Variants in FAM118B observed in about 807,000 individuals in gnomAD.
FAM118B encodes the protein protein FAM118B.
In FAM118B, 24 loss-of-function variants were observed where a neutral mutation model predicts 38.5. The ratio of observed to expected loss-of-function variants is 0.62; its 90% confidence interval spans 0.45 to 0.88. The LOEUF (loss-of-function observed/expected upper bound fraction) is 0.88, where lower values mean the gene tolerates loss of function less well. FAM118B is among the 40% of genes least tolerant of loss of function. FAM118B has a pLI of 0.00. For missense variants in FAM118B, 334 were observed against 420.0 expected (o/e 0.80, Z 1.79); for synonymous variants, 138 against 156.3 (o/e 0.88, Z 0.87).
At position 126,256,242 on chromosome 11, in the gene FAM118B, G is replaced by C. The variant is rs977138182; in HGVS notation, c.697-325G>C. On this transcript the variant is annotated intron_variant, in intron 6 of 8. Transcript: ENST00000533050. This position sits in a 1 kb window ranked among gnomAD's most constrained non-coding sequence, Gnocchi z 6.6. ...GGTCACACCACTACACTCTAGCCCAGGTGAAAGAGTGAGACTCCGTCTCAA... is the reference window on the plus strand; with the variant it reads ...GGTCACACCACTACACTCTAGCCCACGTGAAAGAGTGAGACTCCGTCTCAA... Among the ~76,000 whole-genome samples the C allele has an allele frequency of 3.9e-5, 6 of 152,184 alleles. No individual in the cohort carries two copies. Among genetic ancestry groups the C allele is most frequent in the Non-Finnish European group, 7.3e-5 (5 of 68,030 alleles).
intron 1 of FAM118B, among the ~76,000 whole-genome samples, chr11:126,217,473 G>C (rs1219106588): frequency 6.6e-6 from 1 of 152,230 alleles, no homozygotes; most frequent in Non-Finnish European, 1.5e-5. Context: ...CTATTACAGT[G>C]TGTTCCTCCT....
intron 4 of FAM118B, among the ~76,000 whole-genome samples, chr11:126,248,907 A>G (rs1431698772): frequency 6.6e-6 from 1 of 152,196 alleles, no homozygotes; most frequent in Admixed American, 6.5e-5. Context: ...ATCACATTAC[A>G]TAGTTACTTT....
rs1168496277 is a variant in FAM118B at position 126,255,148 on chromosome 11, A to C, written c.696+715A>C. Among the ~76,000 whole-genome samples, 3 of 152,256 alleles carry C rather than the reference A, an allele frequency of 2.0e-5. No individual in the cohort carries two copies. Among genetic ancestry groups the C allele is most frequent in the African/African-American group, 7.2e-5 (3 of 41,468 alleles). On this transcript the variant is annotated intron_variant, in intron 6 of 8. Transcript: ENST00000533050. This position sits in a 1 kb window ranked among gnomAD's most constrained non-coding sequence, Gnocchi z 4.6. ...ACTTTGTATAAATGGCAATGGGCTT[A>C]TATTGAATTAACCACATTTATTCAC...
chr11:126,254,378 G>A lies in FAM118B; in HGVS notation c.641G>A (p.Gly214Asp). Residue 214 changes from glycine (G) to aspartate (D), a missense_variant, in exon 6 of 9, where the codon GGC becomes GAC. This residue lies in a region of FAM118B where 240 missense variants were observed against 295.9 expected (regional missense o/e 0.81). Transcript: ENST00000533050. ...HIHGVYTNPS[G>D]IVLHPAGYQN... ...CACGGAGTCTACACCAACCCTAGTG[G>A]CATTGTCCTTCATCCGGCTGGATAT... is the stretch of plus-strand genomic sequence containing the variant. The A allele has an allele frequency of 6.2e-7, 1 of 1,614,212 alleles. No homozygotes were observed. The highest frequency in any genetic ancestry group is 8.5e-7 in the Non-Finnish European group (1 of 1,180,038).
rs1472612372 is a variant in FAM118B, at chr11:126,250,783, C to T, written c.567+50C>T. ...TCTTCAGGCTAGTGGATTTTATCTTCCTCAGAAAAGCTCTTTTCTAGTTGG... is the reference window on the plus strand; with the variant it reads ...TCTTCAGGCTAGTGGATTTTATCTTTCTCAGAAAAGCTCTTTTCTAGTTGG... On this transcript the variant is annotated intron_variant, in intron 5 of 8. Coordinates refer to ENST00000533050, the MANE Select transcript of FAM118B (RefSeq NM_024556.4). The surrounding 1 kb of genome is among the most constrained non-coding windows in gnomAD (Gnocchi z 5.1). 1 of 1,406,958 alleles carries T rather than the reference C, an allele frequency of 7.1e-7. No homozygotes were observed. The highest frequency in any genetic ancestry group is 9.8e-7 in the Non-Finnish European group (1 of 1,018,782). The allele number at this position is 1,406,958 out of a possible 1,614,324, so 87.2% of individuals were successfully genotyped here.
chr11:126,234,878 C>T lies in FAM118B; in HGVS notation c.-7-117C>T, dbSNP rs559868161. 11 of 616,998 alleles carry T rather than the reference C, an allele frequency of 1.8e-5. No individual in the cohort carries two copies. In the East Asian group the frequency reaches 2.0e-4, roughly 11 times the overall value. 38.2% of individuals were successfully genotyped at this position (616,998 alleles called of 1,614,324 possible). A position where few individuals can be genotyped will look rare whatever the true frequency, so the allele number is the denominator to read the frequency against. On this transcript the variant is annotated intron_variant, in intron 2 of 8. Transcript: ENST00000533050. ...TAACAAATTTCTGTTAAGTAGGGGG[C>T]ACCTCCAAAACACCTTTAAGGGTAT...
At chr11:126,211,727 G>T, upstream of FAM118B, 1 of 1,451,236 alleles carries the variant, frequency 6.9e-7, no homozygotes, top group Non-Finnish European at 9.3e-7. Flanking sequence ...AGGTCACGTG[G>T]TGCGGGGTGG....
rs546709233 is a variant in FAM118B at position 126,251,973 on chromosome 11, C to CGTTTTGTTTT, written c.567+1262_567+1271dup. Among the ~76,000 whole-genome samples, 432 of 151,268 alleles carry CGTTTTGTTTT rather than the reference C, an allele frequency of 2.9e-3. 2 individuals are homozygous for CGTTTTGTTTT. The highest frequency in any genetic ancestry group is 8.9e-3 in the African/African-American group (368 of 41,202). ...CTGGGATTACAGGCATGTGCCTGGC[C>CGTTTTGTTTT]GTTTTGTTTTGTTTTGTTTTGTTTT... is the stretch of plus-strand genomic sequence containing the variant. On this transcript the variant is annotated intron_variant, in intron 5 of 8. Coordinates refer to ENST00000533050, the MANE Select transcript of FAM118B (RefSeq NM_024556.4).
In FAM118B at chr11:126,223,575, G is replaced by A. The variant is rs544984122; in HGVS notation, c.-76-5650G>A. Among the ~76,000 whole-genome samples the A allele has an allele frequency of 5.2e-3, 695 of 133,082 alleles. 3 individuals carry two copies. Among genetic ancestry groups the A allele is most frequent in the African/African-American group, 0.015 (525 of 35,088 alleles). The allele number at this position is 133,082 out of a possible 152,430, so 87.3% of individuals were successfully genotyped here. A position where few individuals can be genotyped will look rare whatever the true frequency, so the allele number is the denominator to read the frequency against. The stretch of plus-strand genomic sequence containing the variant: ...ATCGCCACTGCACTCCAGCCTGGGC[G>A]AAAGAGCGAAAAAAAAAAAAAAAAA... On this transcript the variant is annotated intron_variant, in intron 1 of 8. Transcript: ENST00000533050.
chr11:126,256,750 CT>C lies in FAM118B; in HGVS notation c.881del (p.Leu294ArgfsTer24). The C allele has an allele frequency of 6.2e-7, 1 of 1,614,102 alleles. No homozygotes were observed. The highest frequency in any genetic ancestry group is 1.3e-5 in the African/African-American group (1 of 75,024). On this transcript the variant is annotated frameshift_variant, in exon 7 of 9. Coordinates refer to ENST00000533050, the MANE Select transcript of FAM118B (RefSeq NM_024556.4). LOFTEE classifies it high-confidence loss of function. The surrounding 1 kb of genome is among the most constrained non-coding windows in gnomAD (Gnocchi z 6.6). ...DEFKKLRENM[L>X]DKGIKVISYG... is the part of the protein sequence containing the mutation. Reference sequence around the variant, plus strand: ...GTTCAAAAAGCTTCGAGAAAACATGCTGGACAAGGGGATTAAAGTCATCTCC... The same window carrying C: ...GTTCAAAAAGCTTCGAGAAAACATGCGGACAAGGGGATTAAAGTCATCTCC...
intron 1 of FAM118B, among the ~76,000 whole-genome samples, chr11:126,219,352 T>C (rs928344142): frequency 8.3e-3 from 124 of 15,004 alleles, no homozygotes; most frequent in Non-Finnish European, 0.015. Flanking sequence ...TGTTTATCTT[T>C]TTTTTTTTTT....
In FAM118B at chr11:126,234,360, C is replaced by T. The variant is rs149166670; in HGVS notation, c.-7-635C>T. On this transcript the variant is annotated intron_variant, in intron 2 of 8. Coordinates refer to ENST00000533050, the MANE Select transcript of FAM118B (RefSeq NM_024556.4). ...TACTTTTGCCAGTTATTCCAGCACC[C>T]GAACATAATTGGCCATTTTTCATAC... Among the ~76,000 whole-genome samples the T allele has an allele frequency of 4.3e-3, 650 of 152,254 alleles. 6 individuals are homozygous for T. The highest frequency in any genetic ancestry group is 0.015 in the African/African-American group (614 of 41,564).
chr11:126,219,316 A>G (rs1347881117), intron 1 of FAM118B, among the ~76,000 whole-genome samples: 1 of 76,320 alleles, frequency 1.3e-5, no homozygotes, highest in Non-Finnish European at 2.7e-5. Flanking sequence ...TTCCTCGTTT[A>G]TTTTGGAAGC....
rs1397321578 is a variant in FAM118B at position 126,220,430 on chromosome 11, G to C, written c.-77+8600G>C. Among the ~76,000 whole-genome samples the C allele has an allele frequency of 3.3e-5, 5 of 151,454 alleles. No individual in the cohort carries two copies. In the South Asian group the frequency reaches 6.3e-4, roughly 19 times the overall value. ...ACTTTTTTTTTAAGACTGATGCTTG[G>C]CTGGGCTTGGTGGCCCATGCCTGTA... On this transcript the variant is annotated intron_variant, in intron 1 of 8. Coordinates refer to ENST00000533050, the MANE Select transcript of FAM118B (RefSeq NM_024556.4).
At chr11:126,233,352 G>A (rs1950231482) in intron 2 of FAM118B, among the ~76,000 whole-genome samples, 2 of 152,168 alleles carry the variant, frequency 1.3e-5, no homozygotes, top group Non-Finnish European at 2.9e-5. Flanking sequence ...GCGCATGCCT[G>A]TAATCCCAGC....
intron 2 of FAM118B, among the ~76,000 whole-genome samples, chr11:126,229,634 G>A (rs549305935): frequency 6.6e-6 from 1 of 152,134 alleles, no homozygotes; most frequent in East Asian, 1.9e-4. Context: ...GTAGAGACGG[G>A]GTTTCACCAT....
At chr11:126,259,913 C>T (rs886445125) in intron 7 of FAM118B, among the ~76,000 whole-genome samples, 5 of 146,728 alleles carry the variant, frequency 3.4e-5, no homozygotes, top group African/African-American at 5.1e-5. Context: ...GTAGATACAG[C>T]GTTTCACTGT....
rs1950571951 is a variant in FAM118B, at chr11:126,255,926, A to G, written c.697-641A>G. On this transcript the variant is annotated intron_variant, in intron 6 of 8. Coordinates refer to ENST00000533050, the MANE Select transcript of FAM118B (RefSeq NM_024556.4). The surrounding 1 kb of genome is among the most constrained non-coding windows in gnomAD (Gnocchi z 4.6). ...AGCCAAGACCATGCCACTGCACTCCAGCCTAGGTGGCAGAGCAAGACTCTG... is the reference window on the plus strand; with the variant it reads ...AGCCAAGACCATGCCACTGCACTCCGGCCTAGGTGGCAGAGCAAGACTCTG... Among the ~76,000 whole-genome samples the G allele has an allele frequency of 6.6e-6, 1 of 152,188 alleles. No homozygotes were observed.
At chr11:126,212,884 C>G (rs1591494641) in intron 1 of FAM118B, among the ~76,000 whole-genome samples, 1 of 152,222 alleles carries the variant, frequency 6.6e-6, no homozygotes, top group East Asian at 1.9e-4. Flanking sequence ...GGCAGAGAGA[C>G]TCCTTGAAAG....
Sources: gnomAD v4.1 joint callset for allele counts (sites outside exome capture counted in the v4.1 genomes callset) on GRCh38, gnomAD v4.1.1 for gene constraint, gnomAD v4.1.1 regional missense constraint, Gnocchi (gnomAD v3.1) non-coding constraint, MANE v1.5 for transcripts, NCBI Gene and HGNC (gene_info 2026-07-23, HGNC 2026-07-21) for gene names.